Variants in EEF2K observed in about 807,000 individuals in gnomAD.
EEF2K encodes eukaryotic elongation factor 2 kinase, also known as alternative protein EEF2K.
Under a neutral mutation model 93.8 loss-of-function variants are expected in EEF2K, and 70 were observed. The observed-to-expected ratio is 0.75, with a 90% confidence interval of 0.62 to 0.91. EEF2K has a LOEUF of 0.91. EEF2K is among the 40% of genes least tolerant of loss of function. EEF2K has a pLI of 0.00. For synonymous variants in EEF2K, 376 were observed against 380.8 expected, an observed-to-expected ratio of 0.99 and a Z score of 0.15; for missense variants, 935 against 972.9, an observed-to-expected ratio of 0.96 and a Z score of 0.52.
At chr16:22,238,950 A>T (rs901128712) in intron 2 of EEF2K, among the ~76,000 whole-genome samples, 2 of 152,124 alleles carry the variant, frequency 1.3e-5, no homozygotes, top group African/African-American at 2.4e-5. Flanking sequence ...AGGGGCCACA[A>T]AAAAGTGGAC....
At chr16:22,243,247 ATTTTTTTTT>A (rs568043657) in intron 2 of EEF2K, among the ~76,000 whole-genome samples, 2 of 118,502 alleles carry the variant, frequency 1.7e-5, no homozygotes, top group African/African-American at 3.2e-5. Flanking sequence ...GATGCAGCCT[ATTTTTTTTT>A]TTTTTTTTTT....
intron 1 of EEF2K, among the ~76,000 whole-genome samples, chr16:22,224,642 A>T (rs547952155): frequency 0.012 from 1,621 of 130,184 alleles, 14 homozygotes; most frequent in Middle Eastern, 0.048. Context: ...GTCTCAAAAA[A>T]AAAAAGAAAA....
intron 1 of EEF2K, among the ~76,000 whole-genome samples, chr16:22,217,226 G>A (rs997854844): frequency 2.4e-5 from 3 of 123,288 alleles, no homozygotes; most frequent in African/African-American, 1.1e-4. Flanking sequence ...TAGATAGATA[G>A]ATAGAGAGAG....
At chr16:22,280,747 C>T (rs1385637251) in intron 17 of EEF2K, among the ~76,000 whole-genome samples, 1 of 151,342 alleles carries the variant, frequency 6.6e-6, no homozygotes, top group Non-Finnish European at 1.5e-5. Flanking sequence ...TCACTGCAGC[C>T]TCCACCTCCC....
Position 22,260,384 on chromosome 16 carries a change from C to A in EEF2K, c.1232-78C>A, listed in dbSNP as rs542645129. On this transcript the variant is annotated intron_variant, in intron 10 of 17. Transcript: ENST00000263026. ...AAAAAGGCTTGGTGGCAGGTATGGA[C>A]CGCCCTAGGCCGTGGGTTGGTCTTA... 1.1e-5 allele frequency: 17 copies of A among 1,498,748 alleles called. No individual in the cohort carries two copies. In the East Asian group the frequency reaches 3.2e-4, roughly 28 times the overall value. 92.8% of individuals were successfully genotyped at this position (1,498,748 alleles called of 1,614,324 possible). A position where few individuals can be genotyped will look rare whatever the true frequency, so the allele number is the denominator to read the frequency against.
intron 17 of EEF2K, among the ~76,000 whole-genome samples, chr16:22,282,239 T>C (rs992044765): frequency 6.6e-6 from 1 of 152,228 alleles, no homozygotes; most frequent in African/African-American, 2.4e-5. Flanking sequence ...TTCTGGAGGC[T>C]GGGAATTCCA....
At chr16:22,242,785 G>A (rs2047237024) in intron 2 of EEF2K, among the ~76,000 whole-genome samples, 1 of 152,106 alleles carries the variant, frequency 6.6e-6, no homozygotes. Context: ...ACAGCTCATG[G>A]GAATCGTTTC....
chr16:22,257,907 C>T, intron 9 of EEF2K, 137 bp downstream of exon 9: 1 of 1,338,722 alleles, frequency 7.5e-7, no homozygotes, highest in Non-Finnish European at 1.0e-6. Flanking sequence ...GCATCTGTCC[C>T]ATCCATGCCC....
intron 16 of EEF2K, among the ~76,000 whole-genome samples, chr16:22,274,558 G>A (rs2047616721): frequency 6.6e-6 from 1 of 152,068 alleles, no homozygotes; most frequent in Non-Finnish European, 1.5e-5. Flanking sequence ...ATCCAGGTGA[G>A]AGTGGGTATC....
intron 2 of EEF2K, 47 bp downstream of exon 2, chr16:22,226,022 T>TAAGGGATGGAGGGA: frequency 6.2e-7 from 1 of 1,602,968 alleles, no homozygotes; most frequent in Non-Finnish European, 8.5e-7. Context: ...TTAGCTGCTG[T>TAAGGGATGGAGGGA]AAGGGATGGA....
chr16:22,225,140 G>C (rs2047050533), intron 1 of EEF2K, among the ~76,000 whole-genome samples: 1 of 152,068 alleles, frequency 6.6e-6, no homozygotes, highest in Non-Finnish European at 1.5e-5. Flanking sequence ...GTTGTTCCAG[G>C]CACAAGGAAC....
At position 22,263,195 on chromosome 16, in the gene EEF2K, A is replaced by AC; in HGVS notation, c.1377+13dup. 1.2e-6 allele frequency: 2 copies of AC among 1,607,914 alleles called. No individual in the cohort carries two copies. Among genetic ancestry groups the AC allele is most frequent in the Non-Finnish European group, 1.7e-6 (2 of 1,177,226 alleles). On this transcript the variant is annotated intron_variant, in intron 12 of 17. Transcript: ENST00000263026. ...CCTGAGCCCCGAGAACATGTAAGGA[A>AC]CCCCCAGGAAATGAGACCGGTGTCA...
At chr16:22,264,965 G>T in intron 13 of EEF2K, 85 bp downstream of exon 13, 1 of 1,503,248 alleles carries the variant, frequency 6.7e-7, no homozygotes. Context: ...TCATATCTCT[G>T]CTGCCTGCCC....
intron 2 of EEF2K, among the ~76,000 whole-genome samples, chr16:22,236,708 C>T (rs1338049458): frequency 2.0e-5 from 3 of 151,744 alleles, no homozygotes; most frequent in Admixed American, 1.3e-4. Context: ...CATTTGCAAA[C>T]ACATTGCCGG....
rs574050430 is a variant in EEF2K at position 22,244,945 on chromosome 16, A to G, written c.347+215A>G. On this transcript the variant is annotated intron_variant, in intron 3 of 17. Transcript: ENST00000263026. ...ACAAGGTACCTATTAGACAGGCTAG[A>G]CTGAGCTAGTTTTTTTAAATTGTTG... Among the ~76,000 whole-genome samples the G allele has an allele frequency of 1.6e-4, 24 of 152,212 alleles. No homozygotes were observed. In the South Asian group the frequency reaches 3.7e-3, roughly 24 times the overall value.
chr16:22,283,888 G>T lies in EEF2K; in HGVS notation c.2070G>T (p.Gly690=). The T allele has an allele frequency of 6.3e-7, 1 of 1,589,506 alleles. No homozygotes were observed. The part of the protein sequence containing the change: ...YGLEKDPQRS[G]DLYTQAAEAA... ...TTGCCCCCCTTTGCTGTCTTTCAGG[G>T]GACTTGTATACCCAGGCAGCAGAGG... The change falls in exon 18 of 18, where the codon GGG becomes GGT. Residue 690 remains glycine (G), a splice_region_variant and synonymous_variant. Coordinates refer to ENST00000263026, the MANE Select transcript of EEF2K (RefSeq NM_013302.5).
intron 2 of EEF2K, among the ~76,000 whole-genome samples, chr16:22,228,584 C>T (rs1251900400): frequency 2.6e-5 from 4 of 152,240 alleles, no homozygotes; most frequent in African/African-American, 7.2e-5. Flanking sequence ...AGCAGGCCCA[C>T]GCCTAAAATG....
chr16:22,247,902 G>A (rs1303504321), intron 3 of EEF2K, among the ~76,000 whole-genome samples: 1 of 151,960 alleles, frequency 6.6e-6, no homozygotes, highest in Non-Finnish European at 1.5e-5. Context: ...CGGGAGATGT[G>A]CCCAGCTGCC....
intron 2 of EEF2K, among the ~76,000 whole-genome samples, chr16:22,233,057 A>G (rs1422739324): frequency 6.6e-6 from 1 of 152,214 alleles, no homozygotes; most frequent in African/African-American, 2.4e-5. Context: ...TGGCAGAACC[A>G]TTCAGGGGGC....
Sources: gnomAD v4.1 joint callset for allele counts (sites outside exome capture counted in the v4.1 genomes callset) on GRCh38, gnomAD v4.1.1 for gene constraint, MANE v1.5 for transcripts, NCBI Gene and HGNC (gene_info 2026-07-23, HGNC 2026-07-21) for gene names.